STK31: variants seen among roughly 807,000 people sequenced by gnomAD.
STK31 encodes the protein serine/threonine-protein kinase 31.
In STK31, 89 loss-of-function variants were observed where a neutral mutation model predicts 129.7. The ratio of observed to expected loss-of-function variants is 0.69; its 90% confidence interval spans 0.58 to 0.82. The LOEUF is 0.82. Ranked by LOEUF, STK31 falls within the 40% of genes least tolerant of loss-of-function variation. STK31 has a pLI of 0.00. For synonymous variants in STK31, 448 were observed against 395.3 expected, an observed-to-expected ratio of 1.13 and a Z score of -1.58; for missense variants, 1,187 against 1,176.4, an observed-to-expected ratio of 1.01 and a Z score of -0.13.
chr7:23,772,054 C>G, intron 14 of STK31, 93 bp from the exon 15 acceptor site: 1 of 904,802 alleles, frequency 1.1e-6, no homozygotes, highest in Non-Finnish European at 1.6e-6. Context: ...TCAGTAAATA[C>G]TAGTTGAATC....
chr7:23,817,353 G>C (rs1793535519), intron 23 of STK31, among the ~76,000 whole-genome samples: 1 of 152,194 alleles, frequency 6.6e-6, no homozygotes, highest in Non-Finnish European at 1.5e-5. Flanking sequence ...TTGAAAATGA[G>C]ATTAATAATT....
chr7:23,750,067 T>TCCCCCCCCCC lies in STK31; in HGVS notation c.1018-2642_1018-2641insCCCCCCCCCC, dbSNP rs1171568592. The stretch of plus-strand genomic sequence containing the variant: ...CTGGGATATTTCAGAATGGTTTGTT[T>TCCCCCCCCCC]CCCCCCCCGCCACTGCTGGAAACAT... On this transcript the variant is annotated intron_variant, in intron 8 of 23. Coordinates refer to ENST00000355870, the MANE Select transcript of STK31 (RefSeq NM_031414.5). 3.2e-3 allele frequency among the ~76,000 whole-genome samples: 285 copies of TCCCCCCCCCC among 90,248 alleles called. 31 individuals are homozygous for TCCCCCCCCCC. The highest frequency in any genetic ancestry group is 4.2e-3 in the Non-Finnish European group (177 of 42,570). The allele number at this position is 90,248 out of a possible 152,430, so 59.2% of individuals were successfully genotyped here. A position where few individuals can be genotyped will look rare whatever the true frequency, so the allele number is the denominator to read the frequency against.
At chr7:23,818,167 A>T (rs1392585490) in intron 23 of STK31, among the ~76,000 whole-genome samples, 2 of 152,140 alleles carry the variant, frequency 1.3e-5, no homozygotes, top group Admixed American at 1.3e-4. Flanking sequence ...TATTGGGTTA[A>T]TATATCTCTT....
intron 21 of STK31, among the ~76,000 whole-genome samples, chr7:23,789,817 GTTA>G (rs1791509661): frequency 6.6e-6 from 1 of 151,992 alleles, no homozygotes; most frequent in Non-Finnish European, 1.5e-5. Context: ...TTCGTCATCT[GTTA>G]TTATTCCCCA....
intron 4 of STK31, 120 bp from the exon 5 acceptor site, chr7:23,727,121 A>T: frequency 2.6e-6 from 2 of 759,708 alleles, no homozygotes; most frequent in Non-Finnish European, 2.2e-6. Context: ...TGTGAGAATT[A>T]AATGAGTTAT....
At chr7:23,808,970 T>TGTGTGTGTGTGTGTGCGTGTGC (rs60631283) in intron 22 of STK31, among the ~76,000 whole-genome samples, 2 of 139,556 alleles carry the variant, frequency 1.4e-5, no homozygotes, top group South Asian at 2.5e-4. Flanking sequence ...TGTGTGTGTG[T>TGTGTGTGTGTGTGTGCGTGTGC]GCCTGTGTCT....
intron 8 of STK31, among the ~76,000 whole-genome samples, chr7:23,749,589 G>A (rs1489308063): frequency 1.3e-5 from 2 of 151,270 alleles, no homozygotes; most frequent in South Asian, 2.1e-4. Flanking sequence ...CTGGGCTCAA[G>A]CAGTTGACCC....
chr7:23,770,975 G>A (rs1001952174), intron 13 of STK31, 30 bp from the exon 14 acceptor site: 2 of 1,595,480 alleles, frequency 1.3e-6, no homozygotes, highest in Non-Finnish European at 1.7e-6. Flanking sequence ...ATTCCTTTGT[G>A]TATAATTCTA....
At chr7:23,830,614 G>GTGTA in intron 23 of STK31, among the ~76,000 whole-genome samples, 1 of 150,100 alleles carries the variant, frequency 6.7e-6, no homozygotes, top group African/African-American at 2.5e-5. Flanking sequence ...GTGTGTGTGT[G>GTGTA]TGTGTGTGTG....
chr7:23,787,241 T>A (rs926722844), intron 20 of STK31, among the ~76,000 whole-genome samples: 1 of 152,212 alleles, frequency 6.6e-6, no homozygotes, highest in Admixed American at 6.5e-5. Context: ...ATATAGCACT[T>A]GGTACTGTAA....
At chr7:23,799,803 C>G (rs986762265) in intron 22 of STK31, among the ~76,000 whole-genome samples, 1 of 152,102 alleles carries the variant, frequency 6.6e-6, no homozygotes, top group Non-Finnish European at 1.5e-5. Context: ...GAACAGGTAA[C>G]CTACAGAATG....
intron 4 of STK31, among the ~76,000 whole-genome samples, chr7:23,719,895 A>T (rs1486059586): frequency 1.3e-5 from 2 of 152,162 alleles, no homozygotes; most frequent in African/African-American, 4.8e-5. Context: ...AAATCTGAGC[A>T]ACTACTGTAA....
intron 11 of STK31, 131 bp from the exon 12 acceptor site, chr7:23,768,864 A>C: frequency 1.3e-6 from 1 of 742,392 alleles, no homozygotes; most frequent in Non-Finnish European, 2.0e-6. Flanking sequence ...TGATGATTCT[A>C]AGTTGTATTT....
intron 15 of STK31, among the ~76,000 whole-genome samples, chr7:23,779,775 C>T (rs904357660): frequency 6.6e-6 from 1 of 152,222 alleles, no homozygotes; most frequent in Non-Finnish European, 1.5e-5. Flanking sequence ...TGCTGGGCCC[C>T]ATGGGGGTGG....
At chr7:23,766,195 G>A (rs963351386) in intron 11 of STK31, among the ~76,000 whole-genome samples, 4 of 152,054 alleles carry the variant, frequency 2.6e-5, no homozygotes, top group Admixed American at 1.3e-4. Flanking sequence ...CTATAAAATA[G>A]CAAGTTCAAA....
At chr7:23,819,829 A>G (rs138461341) in intron 23 of STK31, among the ~76,000 whole-genome samples, 2 of 152,192 alleles carry the variant, frequency 1.3e-5, no homozygotes, top group African/African-American at 4.8e-5. Flanking sequence ...TCTAATACAA[A>G]TAATGTCCTT....
At chr7:23,712,744 C>G (rs1299607727) in intron 3 of STK31, among the ~76,000 whole-genome samples, 2 of 151,372 alleles carry the variant, frequency 1.3e-5, no homozygotes, top group East Asian at 3.9e-4. Flanking sequence ...TGAAACATTT[C>G]TGATTTTCTG....
At chr7:23,730,602 A>T (rs1404722657) in intron 6 of STK31, among the ~76,000 whole-genome samples, 7 of 151,846 alleles carry the variant, frequency 4.6e-5, no homozygotes, top group African/African-American at 1.7e-4. Context: ...TTTTACATAT[A>T]GGGAAATTGT....
intron 23 of STK31, among the ~76,000 whole-genome samples, chr7:23,820,234 A>G (rs1228082861): frequency 6.6e-6 from 1 of 152,196 alleles, no homozygotes; most frequent in African/African-American, 2.4e-5. Context: ...GATAAAATCT[A>G]CGCATACCCA....
Sources: allele counts gnomAD v4.1 joint callset (sites outside exome capture counted in the v4.1 genomes callset), GRCh38; gene constraint gnomAD v4.1.1; transcripts MANE v1.5; gene names NCBI Gene and HGNC (gene_info 2026-07-23, HGNC 2026-07-21).